DOCK2: variants seen among roughly 807,000 people sequenced by gnomAD.
The protein encoded by DOCK2 is dedicator of cytokinesis protein 2.
DOCK2 carries 87 observed loss-of-function variants against 248.9 expected under a neutral mutation model. The observed-to-expected ratio is 0.35, with a 90% CI of 0.29 to 0.42. The LOEUF (loss-of-function observed/expected upper bound fraction) is 0.42. DOCK2 is among the 10% of genes least tolerant of loss of function. The pLI, the probability that DOCK2 is intolerant of heterozygous loss-of-function variation, is 1.00. For synonymous variants in DOCK2, 805 were observed against 821.6 expected, an observed-to-expected ratio of 0.98 and a Z score of 0.35; for missense variants, 1,747 against 2,300.2, an observed-to-expected ratio of 0.76 and a Z score of 4.92.
At chr5:169,643,829 G>A (rs1422866956) in intron 1 of DOCK2, among the ~76,000 whole-genome samples, 2 of 152,184 alleles carry the variant, frequency 1.3e-5, no homozygotes, top group South Asian at 2.1e-4. Flanking sequence ...TGGGGTAATA[G>A]GCATTTGTTT....
chr5:169,699,579 G>C (rs1469779623), intron 12 of DOCK2, 121 bp downstream of exon 12: 1 of 914,370 alleles, frequency 1.1e-6, no homozygotes, highest in Non-Finnish European at 1.6e-6. Flanking sequence ...ACAGACCACT[G>C]GGAAGAATGG....
intron 22 of DOCK2, among the ~76,000 whole-genome samples, chr5:169,721,650 A>G (rs1178356175): frequency 6.6e-6 from 1 of 152,152 alleles, no homozygotes; most frequent in African/African-American, 2.4e-5. Flanking sequence ...TGCTTGCATA[A>G]CTGCAGCGGA....
chr5:170,009,665 A>G (rs1387091556), intron 32 of DOCK2, among the ~76,000 whole-genome samples: 3 of 152,192 alleles, frequency 2.0e-5, no homozygotes, highest in Middle Eastern at 3.4e-3. Context: ...CTTGGATTTA[A>G]TTTTTGTTCC....
At chr5:169,946,121 C>G (rs1356602287) in intron 27 of DOCK2, among the ~76,000 whole-genome samples, 2 of 152,174 alleles carry the variant, frequency 1.3e-5, no homozygotes, top group East Asian at 3.9e-4. Context: ...CTCAGCACAG[C>G]AAATATGAGG....
intron 27 of DOCK2, among the ~76,000 whole-genome samples, chr5:169,971,522 G>A (rs558612805): frequency 3.8e-4 from 58 of 150,694 alleles, no homozygotes; most frequent in Middle Eastern, 3.4e-3. Flanking sequence ...CTTGGAGTCA[G>A]CTTTTCAAAC....
intron 2 of DOCK2, among the ~76,000 whole-genome samples, chr5:169,656,033 A>G (rs1034005566): frequency 1.3e-5 from 2 of 152,188 alleles, no homozygotes; most frequent in Non-Finnish European, 2.9e-5. Flanking sequence ...AGAGGGGTGG[A>G]GACGCTGTCC....
chr5:169,904,596 T>C (rs566264394), intron 27 of DOCK2, among the ~76,000 whole-genome samples: 1 of 152,198 alleles, frequency 6.6e-6, no homozygotes, highest in African/African-American at 2.4e-5. Flanking sequence ...TCTCATTCTC[T>C]CTCATTCACA....
rs539529598 is a variant in DOCK2, at chr5:169,699,219, T to C, written c.1056-163T>C. Among the ~76,000 whole-genome samples, 5 of 152,276 alleles carry C rather than the reference T, an allele frequency of 3.3e-5. No homozygotes were observed. In the South Asian group the frequency reaches 1.0e-3, roughly 32 times the overall value. ...ATTTCAGAGCCACATTGCTTTGTGATAAAAAGTGAGGTACCTCTTGATGGC... is the reference window on the plus strand; with the variant it reads ...ATTTCAGAGCCACATTGCTTTGTGACAAAAAGTGAGGTACCTCTTGATGGC... On this transcript the variant is annotated intron_variant, in intron 11 of 51. Coordinates refer to ENST00000520908, the MANE Select transcript of DOCK2 (RefSeq NM_004946.3).
At chr5:169,824,689 A>T (rs181177779) in intron 26 of DOCK2, among the ~76,000 whole-genome samples, 9 of 152,348 alleles carry the variant, frequency 5.9e-5, no homozygotes, top group East Asian at 1.9e-4. Flanking sequence ...AACCTAGGCA[A>T]TACCATTCAG....
At chr5:169,743,771 C>A (rs1763456578) in intron 22 of DOCK2, among the ~76,000 whole-genome samples, 1 of 150,360 alleles carries the variant, frequency 6.7e-6, no homozygotes, top group Admixed American at 6.6e-5. Context: ...CCATTCCCAG[C>A]CATTCTTCAG....
intron 22 of DOCK2, among the ~76,000 whole-genome samples, chr5:169,739,208 G>A (rs1413143727): frequency 1.3e-5 from 2 of 152,200 alleles, no homozygotes; most frequent in African/African-American, 4.8e-5. Context: ...ATAGTTTAGA[G>A]TAATAATAAC....
Position 170,008,487 on chromosome 5 carries a change from T to A in DOCK2, c.3073-10T>A. 6.2e-7 allele frequency: 1 copy of A among 1,613,908 alleles called. No homozygotes were observed. Among genetic ancestry groups the A allele is most frequent in the East Asian group, 2.2e-5 (1 of 44,896 alleles). Reference sequence around the variant, plus strand: ...CTCTCCATAACTGTTCTCTGCTCTTTCATTTACAGCTGTGGAACAACTATT... The same window carrying A: ...CTCTCCATAACTGTTCTCTGCTCTTACATTTACAGCTGTGGAACAACTATT... On this transcript the variant is annotated splice_polypyrimidine_tract_variant and intron_variant, in intron 30 of 51. Coordinates refer to ENST00000520908, the MANE Select transcript of DOCK2 (RefSeq NM_004946.3).
At chr5:169,698,661 A>G (rs1244282333) in intron 11 of DOCK2, among the ~76,000 whole-genome samples, 1 of 152,272 alleles carries the variant, frequency 6.6e-6, no homozygotes, top group East Asian at 1.9e-4. Flanking sequence ...TATTTATGCC[A>G]CAGACATTTA....
At chr5:169,983,704 G>A (rs1206412196) in intron 28 of DOCK2, among the ~76,000 whole-genome samples, 2 of 152,160 alleles carry the variant, frequency 1.3e-5, no homozygotes, top group African/African-American at 4.8e-5. Context: ...GGGTGGAGCA[G>A]AGCACACTTT....
chr5:169,782,380 C>T (rs1765755739), intron 25 of DOCK2, among the ~76,000 whole-genome samples: 1 of 152,034 alleles, frequency 6.6e-6, no homozygotes, highest in Admixed American at 6.5e-5. Context: ...TGGTTGTAGT[C>T]TCCTTATTCG....
intron 22 of DOCK2, among the ~76,000 whole-genome samples, chr5:169,730,021 A>G (rs111245200): frequency 0.042 from 6,331 of 152,284 alleles, 170 homozygotes; most frequent in African/African-American, 0.077. Context: ...CAATGGCACA[A>G]TCTCGACTCA....
In DOCK2 at chr5:170,077,815, C is replaced by T. The variant is rs532020923; in HGVS notation, c.4972C>T (p.Pro1658Ser). The T allele has an allele frequency of 6.2e-7, 1 of 1,613,530 alleles. No homozygotes were observed. The highest frequency in any genetic ancestry group is 1.1e-5 in the South Asian group (1 of 91,074). Residue 1658 changes from proline (P) to serine (S), a missense_variant, in exon 48 of 52, where the codon CCC (proline) becomes TCC (serine). Pro to Ser is a moderately conservative substitution (Grantham distance 74). This residue lies in a region of DOCK2 where 513 missense variants were observed against 586.1 expected (regional missense o/e 0.88). Transcript: ENST00000520908. ...TTCCATGAATTCTGACTGCAGCACC[C>T]CCAGCAAGCCTACCTCAGAGAGGTC... Reference protein sequence around the residue: ...LASMNSDCSTPSKPTSESFDL... With the variant: ...LASMNSDCSTSSKPTSESFDL...
chr5:169,652,936 G>A (rs778143024), intron 1 of DOCK2, among the ~76,000 whole-genome samples: 2 of 152,278 alleles, frequency 1.3e-5, no homozygotes, highest in Middle Eastern at 6.8e-3. Context: ...ATCAGCCTAC[G>A]GTCCGTATCC....
intron 2 of DOCK2, among the ~76,000 whole-genome samples, chr5:169,658,980 CATTATTATTATT>C (rs200506411): frequency 0.054 from 7,350 of 136,190 alleles, 318 homozygotes; most frequent in African/African-American, 0.11. Flanking sequence ...TACAAGACTG[CATTATTATTATT>C]ATTATTATTA....
Sources: gnomAD v4.1 joint callset for allele counts (sites outside exome capture counted in the v4.1 genomes callset) on GRCh38, gnomAD v4.1.1 for gene constraint, gnomAD v4.1.1 regional missense constraint, MANE v1.5 for transcripts, NCBI Gene and HGNC (gene_info 2026-07-23, HGNC 2026-07-21) for gene names.